Variants in ATAD1 observed in about 807,000 individuals in gnomAD.
ATAD1 encodes the protein outer mitochondrial transmembrane helix translocase.
A neutral mutation model predicts 42.7 loss-of-function variants in ATAD1; 18 were observed. The ratio of observed to expected loss-of-function variants is 0.42; its 90% CI spans 0.29 to 0.63. ATAD1 has a LOEUF of 0.63. ATAD1 is among the 20% of genes least tolerant of loss of function. The pLI is 0.19. For synonymous variants in ATAD1, 132 were observed against 143.1 expected, an observed-to-expected ratio of 0.92 and a Z score of 0.55; for missense variants, 294 against 440.4, an observed-to-expected ratio of 0.67 and a Z score of 2.98.
At chr10:87,811,694 A>G (rs1857192876) in intron 2 of ATAD1, among the ~76,000 whole-genome samples, 3 of 152,222 alleles carry the variant, frequency 2.0e-5, no homozygotes, top group Non-Finnish European at 4.4e-5. Context: ...ATATCTACAC[A>G]TACAGGAATA....
intron 1 of ATAD1, among the ~76,000 whole-genome samples, chr10:87,836,780 C>T (rs1019394991): frequency 5.3e-5 from 8 of 152,216 alleles, no homozygotes; most frequent in African/African-American, 1.9e-4. Flanking sequence ...TGTATTCTTT[C>T]CTTTCTTCTT....
intron 8 of ATAD1, among the ~76,000 whole-genome samples, chr10:87,758,910 C>T (rs908711406): frequency 7.9e-5 from 12 of 152,126 alleles, no homozygotes; most frequent in Admixed American, 7.2e-4. Flanking sequence ...ACTGCCACAT[C>T]AGTGAGTTCT....
chr10:87,759,768 C>G (rs1463233370), intron 8 of ATAD1: 2 of 455,688 alleles, frequency 4.4e-6, no homozygotes, highest in Non-Finnish European at 8.8e-6. Context: ...CAAAACTTCT[C>G]TGGGTTTCAG....
chr10:87,832,658 ATAAT>A (rs985585175), intron 1 of ATAD1, among the ~76,000 whole-genome samples: 4 of 152,214 alleles, frequency 2.6e-5, no homozygotes. Context: ...ATTTTAAATC[ATAAT>A]TTATATAAAA....
intron 5 of ATAD1, among the ~76,000 whole-genome samples, chr10:87,778,500 T>G (rs568178736): frequency 6.6e-6 from 1 of 152,310 alleles, no homozygotes; most frequent in South Asian, 2.1e-4. Flanking sequence ...GATATGAAAT[T>G]CATCTATGTT....
At chr10:87,791,030 CAAAAAA>C (rs34722647) in intron 3 of ATAD1, among the ~76,000 whole-genome samples, 14 of 66,250 alleles carry the variant, frequency 2.1e-4, no homozygotes, top group East Asian at 1.4e-3. Context: ...ACTAAAATTA[CAAAAAA>C]AAAAAAAAAA....
chr10:87,807,678 C>A (rs1436516362), intron 2 of ATAD1, among the ~76,000 whole-genome samples: 1 of 152,006 alleles, frequency 6.6e-6, no homozygotes, highest in Non-Finnish European at 1.5e-5. Flanking sequence ...GTCCTCAGTA[C>A]AAATCTTTTA....
intron 1 of ATAD1, among the ~76,000 whole-genome samples, chr10:87,815,911 A>G (rs1212090561): frequency 1.3e-5 from 2 of 152,118 alleles, no homozygotes; most frequent in Non-Finnish European, 2.9e-5. Flanking sequence ...TACCATCTGA[A>G]AATCCCACAT....
At chr10:87,829,222 A>G (rs894848228) in intron 1 of ATAD1, among the ~76,000 whole-genome samples, 7 of 144,876 alleles carry the variant, frequency 4.8e-5, no homozygotes, top group African/African-American at 1.8e-4. Context: ...GGAGGGATTC[A>G]TTATTTTATT....
At chr10:87,804,417 T>A (rs560089472) in intron 2 of ATAD1, among the ~76,000 whole-genome samples, 17 of 152,310 alleles carry the variant, frequency 1.1e-4, no homozygotes, top group African/African-American at 4.1e-4. Context: ...TCACCCAGGC[T>A]GGAATGCAAT....
upstream of ATAD1, among the ~76,000 whole-genome samples, chr10:87,820,650 TC>T (rs2132092530): frequency 6.6e-6 from 1 of 151,954 alleles, no homozygotes; most frequent in South Asian, 2.1e-4. Flanking sequence ...CCATAAAGAG[TC>T]TACAAGCTCG....
At chr10:87,768,743 C>G (rs1215991227) in intron 7 of ATAD1, among the ~76,000 whole-genome samples, 1 of 152,182 alleles carries the variant, frequency 6.6e-6, no homozygotes, top group Non-Finnish European at 1.5e-5. Context: ...TTAATTGTGG[C>G]TACTTTCCAT....
upstream of ATAD1, chr10:87,819,112 C>T (rs1256284003): frequency 6.6e-6 from 1 of 152,118 alleles, no homozygotes; most frequent in Admixed American, 6.6e-5. Flanking sequence ...CTACTTGAGG[C>T]ATCATCTTTG....
chr10:87,830,160 A>C (rs1050392943), intron 1 of ATAD1, among the ~76,000 whole-genome samples: 2 of 152,224 alleles, frequency 1.3e-5, no homozygotes, highest in Non-Finnish European at 2.9e-5. Context: ...GTGATATACC[A>C]GTGGGAAAGC....
chr10:87,760,943 A>G (rs865903473), intron 8 of ATAD1, among the ~76,000 whole-genome samples: 11 of 152,320 alleles, frequency 7.2e-5, no homozygotes, highest in Admixed American at 2.6e-4. Context: ...TCTTTTTAAA[A>G]TAAGCGAATC....
chr10:87,773,754 A>G (rs1234172503), intron 6 of ATAD1, among the ~76,000 whole-genome samples: 3 of 152,204 alleles, frequency 2.0e-5, no homozygotes, highest in Non-Finnish European at 4.4e-5. Context: ...GACTTCATCC[A>G]ATTGCCTCTA....
In ATAD1 at chr10:87,784,545, A is replaced by G. The variant is rs1407617901; in HGVS notation, c.508T>C (p.Ser170Pro). 2 of 1,613,878 alleles carry G rather than the reference A, an allele frequency of 1.2e-6. No homozygotes were observed. The highest frequency in any genetic ancestry group is 2.2e-5 in the South Asian group (2 of 91,070). ...AAGACAGCAGCAGCCAATTTCTGAG[A>G]TTCTCCATACCACTTATCGGTCAGT... ...STLTDKWYGE[S>P]QKLAAAVFSL... The change falls in exon 5 of 10, where the codon TCT becomes CCT. Residue 170 changes from serine to proline, a missense_variant. Ser to Pro is a moderately conservative substitution (Grantham distance 74, BLOSUM62 -1). Coordinates refer to ENST00000680024, the MANE Select transcript of ATAD1 (RefSeq NM_001321967.2).
At chr10:87,785,987 C>G (rs944799011) in intron 4 of ATAD1, among the ~76,000 whole-genome samples, 9 of 152,124 alleles carry the variant, frequency 5.9e-5, no homozygotes, top group Non-Finnish European at 8.8e-5. Context: ...TTCAAGCATT[C>G]TGCAAATTTT....
At chr10:87,786,941 C>T (rs1020262626) in intron 4 of ATAD1, among the ~76,000 whole-genome samples, 7 of 150,818 alleles carry the variant, frequency 4.6e-5, no homozygotes, top group South Asian at 4.2e-4. Flanking sequence ...GGCAACAGGG[C>T]GAGACTCCGT....
Sources: allele counts gnomAD v4.1 joint callset (sites outside exome capture counted in the v4.1 genomes callset), GRCh38; gene constraint gnomAD v4.1.1; transcripts MANE v1.5; gene names NCBI Gene and HGNC (gene_info 2026-07-23, HGNC 2026-07-21).